The following AKR1C8 variants were observed in gnomAD, a reference collection of about 807,000 sequenced individuals.
AKR1C8 encodes the protein aldo-keto reductase family 1 member C8.
the AKR1C8 span, among the ~76,000 whole-genome samples, chr10:5,127,111 C>T: frequency 6.6e-6 from 1 of 151,920 alleles, no homozygotes; most frequent in African/African-American, 2.4e-5. Flanking sequence ...GCAATAAATC[C>T]AAACTAAGAT....
At chr10:5,154,677 G>C in the AKR1C8 span, 1 of 152,524 alleles carries the variant, frequency 6.6e-6, no homozygotes, top group Non-Finnish European at 1.5e-5. Context: ...TCTTGGTGTG[G>C]TTTTACATAA....
the AKR1C8 span, chr10:5,162,847 T>G: frequency 7.3e-5 from 39 of 532,412 alleles, no homozygotes; most frequent in Non-Finnish European, 1.4e-4. Flanking sequence ...CACACAGAAC[T>G]TTCACCTTGA....
the AKR1C8 span, among the ~76,000 whole-genome samples, chr10:5,153,263 C>G: frequency 6.6e-6 from 1 of 151,830 alleles, no homozygotes; most frequent in African/African-American, 2.4e-5. Context: ...GAACAATATA[C>G]AAAAATAATA....
chr10:5,173,919 T>A, the AKR1C8 span, among the ~76,000 whole-genome samples: 1 of 152,122 alleles, frequency 6.6e-6, no homozygotes, highest in African/African-American at 2.4e-5. Flanking sequence ...CCACCCTTAA[T>A]ACCTGCATAA....
the AKR1C8 span, among the ~76,000 whole-genome samples, chr10:5,160,185 G>A: frequency 1.3e-5 from 2 of 151,954 alleles, no homozygotes; most frequent in Non-Finnish European, 2.9e-5. Context: ...ATATATGTTT[G>A]TCTCCTTGAT....
At chr10:5,132,510 A>G in the AKR1C8 span, 2 of 1,220,010 alleles carry the variant, frequency 1.6e-6, no homozygotes, top group Non-Finnish European at 2.2e-6. Flanking sequence ...AATAAGCACA[A>G]TTCACCCACC....
the AKR1C8 span, among the ~76,000 whole-genome samples, chr10:5,177,467 T>C: frequency 1.3e-5 from 2 of 152,188 alleles, no homozygotes; most frequent in Admixed American, 1.3e-4. Context: ...CTGCCCGGCT[T>C]TGGTATCAGG....
chr10:5,158,042 A>G, the AKR1C8 span, among the ~76,000 whole-genome samples: 2 of 152,242 alleles, frequency 1.3e-5, no homozygotes, highest in Admixed American at 1.3e-4. Flanking sequence ...AATAACACCC[A>G]GAAATAAAAT....
At chr10:5,155,980 C>G in the AKR1C8 span, among the ~76,000 whole-genome samples, 1 of 152,124 alleles carries the variant, frequency 6.6e-6, no homozygotes, top group Non-Finnish European at 1.5e-5. Context: ...CTGGGCTCCA[C>G]TTCTCAAAAG....
chr10:5,164,330 T>G, the AKR1C8 span, among the ~76,000 whole-genome samples: 108 of 152,126 alleles, frequency 7.1e-4, no homozygotes, highest in Non-Finnish European at 1.2e-3. Flanking sequence ...CTCTCTACTA[T>G]AGAGAGCTTT....
At chr10:5,157,894 G>A in the AKR1C8 span, 3 of 382,340 alleles carry the variant, frequency 7.8e-6, no homozygotes, top group Admixed American at 6.4e-5. Flanking sequence ...AGAGAGTTGA[G>A]AGGAGTGGGC....
chr10:5,184,953 A>T, the AKR1C8 span: 2 of 524,684 alleles, frequency 3.8e-6, no homozygotes, highest in Admixed American at 2.0e-5. Flanking sequence ...CTCTTGCCTG[A>T]TGACTGCCCT....
At chr10:5,148,418 G>A in the AKR1C8 span, among the ~76,000 whole-genome samples, 1 of 152,074 alleles carries the variant, frequency 6.6e-6, no homozygotes, top group Non-Finnish European at 1.5e-5. Flanking sequence ...GTTTGTTTTG[G>A]CAAGGTTGAG....
the AKR1C8 span, among the ~76,000 whole-genome samples, chr10:5,142,680 T>G: frequency 6.6e-6 from 1 of 152,092 alleles, no homozygotes; most frequent in South Asian, 2.1e-4. Flanking sequence ...CAATTATCTA[T>G]TGCATTCACT....
the AKR1C8 span, among the ~76,000 whole-genome samples, chr10:5,118,193 G>T: frequency 7.2e-5 from 11 of 152,048 alleles, no homozygotes; most frequent in African/African-American, 2.7e-4. Context: ...ATCCATTGTG[G>T]GTAAACATTC....
chr10:5,161,735 C>T, the AKR1C8 span: 1 of 534,638 alleles, frequency 1.9e-6, no homozygotes, highest in South Asian at 1.4e-5. Flanking sequence ...ATCCTATGCA[C>T]CTCACTCAAA....
chr10:5,117,700 G>A, the AKR1C8 span, among the ~76,000 whole-genome samples: 14 of 152,132 alleles, frequency 9.2e-5, no homozygotes, highest in Non-Finnish European at 1.6e-4. Context: ...TCTTCAGGCT[G>A]CTTCCACTCA....
the AKR1C8 span, among the ~76,000 whole-genome samples, chr10:5,125,272 A>G: frequency 0.19 from 29,414 of 152,114 alleles, 3,764 homozygotes; most frequent in East Asian, 0.63. Context: ...GTAAATCTCA[A>G]TACAGATGGG....
At chr10:5,130,236 A>C in the AKR1C8 span, among the ~76,000 whole-genome samples, 6 of 151,938 alleles carry the variant, frequency 3.9e-5, no homozygotes, top group Non-Finnish European at 7.4e-5. Flanking sequence ...TATGATTAAA[A>C]CCCTCAACAA....
Sources: gnomAD v4.1 joint callset for allele counts (sites outside exome capture counted in the v4.1 genomes callset) on GRCh38, gnomAD v4.1.1 for gene constraint, MANE v1.5 for transcripts, NCBI Gene and HGNC (gene_info 2026-07-23, HGNC 2026-07-21) for gene names.